The following RIMKLA variants were observed in gnomAD, a reference collection of about 807,000 sequenced individuals.
The protein encoded by RIMKLA is N-acetylaspartylglutamate synthase A.
Under a neutral mutation model 32.7 loss-of-function variants are expected in RIMKLA, and 14 were observed. That is an observed-to-expected ratio of 0.43 (90% confidence interval 0.28 to 0.67). The LOEUF (loss-of-function observed/expected upper bound fraction) is 0.67, where lower values mean the gene tolerates loss of function less well. Ranked by LOEUF, RIMKLA falls within the 30% of genes least tolerant of loss-of-function variation. The probability of loss-of-function intolerance (pLI) is 0.18; values close to 1 mark genes in which losing one functional copy is unlikely to be tolerated. For missense variants in RIMKLA, 410 were observed against 519.0 expected, an observed-to-expected ratio of 0.79 and a Z score of 2.04; for synonymous variants, 176 against 204.1, an observed-to-expected ratio of 0.86 and a Z score of 1.18.
intron 4 of RIMKLA, among the ~76,000 whole-genome samples, chr1:42,410,414 C>T (rs148099420): frequency 1.3e-5 from 2 of 152,164 alleles, no homozygotes; most frequent in East Asian, 3.9e-4. Flanking sequence ...GAGGACTGAA[C>T]GCTGTCCTCT....
intron 1 of RIMKLA, among the ~76,000 whole-genome samples, chr1:42,392,215 A>T (rs1173688187): frequency 2.0e-5 from 3 of 152,152 alleles, no homozygotes; most frequent in Non-Finnish European, 4.4e-5. Flanking sequence ...CCAGGCAGAG[A>T]TAATCATCCT....
At chr1:42,400,034 T>C (rs1383867064) in intron 2 of RIMKLA, among the ~76,000 whole-genome samples, 5 of 152,192 alleles carry the variant, frequency 3.3e-5, no homozygotes, top group African/African-American at 1.2e-4. Context: ...CAGTGCAGTT[T>C]AGACATTGAG....
intron 1 of RIMKLA, among the ~76,000 whole-genome samples, chr1:42,388,197 C>A (rs1250975322): frequency 2.0e-5 from 3 of 152,040 alleles, no homozygotes. Flanking sequence ...AGCTGGGAAT[C>A]CACTGAAGGA....
At position 42,422,201 on chromosome 1, in the gene RIMKLA, T is replaced by C. The variant is rs1433257203; in HGVS notation, c.*7227T>C. ...TTTCTCAGAAGCAAGTGTCCTAGTG[T>C]AATGTGCACAAGTGGCATGAAGTTT... On this transcript the variant is annotated 3_prime_UTR_variant, in exon 5 of 5. Coordinates refer to ENST00000431473, the MANE Select transcript of RIMKLA (RefSeq NM_173642.4). The C allele has an allele frequency of 6.6e-6, 1 of 152,234 alleles. No homozygotes were observed. Among genetic ancestry groups the C allele is most frequent in the East Asian group, 1.9e-4 (1 of 5,202 alleles). The allele number at this position is 152,234 out of a possible 1,614,324, so 9.4% of individuals were successfully genotyped here.
In RIMKLA at chr1:42,409,955, C is replaced by G. The variant is rs1227876349; in HGVS notation, c.482-29C>G. 5 of 1,577,128 alleles carry G rather than the reference C, an allele frequency of 3.2e-6. No individual in the cohort carries two copies. The African/African-American group carries it at 6.7e-5, about 21-fold the overall frequency. On this transcript the variant is annotated intron_variant, in intron 3 of 4. Coordinates refer to ENST00000431473, the MANE Select transcript of RIMKLA (RefSeq NM_173642.4). ...TACAGAGTCCAGAGGCTTCTCTAAC[C>G]CCTTCTCTTGCTCTTTTTCTTCTTA...
chr1:42,380,924 C>T lies in RIMKLA; in HGVS notation c.-11C>T. ...GGTCCGCGCCGCGCGGGGCGCACCG[C>T]CCTGGCCGCCATGTGCTCCCAGCTC... On this transcript the variant is annotated 5_prime_UTR_variant, in exon 1 of 5. Transcript: ENST00000431473. 1 of 1,396,878 alleles carries T rather than the reference C, an allele frequency of 7.2e-7. No individual in the cohort carries two copies. Among genetic ancestry groups the T allele is most frequent in the Non-Finnish European group, 9.3e-7 (1 of 1,073,438 alleles). The allele number at this position is 1,396,878 out of a possible 1,614,324, so 86.5% of individuals were successfully genotyped here. A position where few individuals can be genotyped will look rare whatever the true frequency, so the allele number is the denominator to read the frequency against.
rs1393944178 is a variant in RIMKLA, at chr1:42,416,093, G to GA, written c.*1119_*1120insA. 1 of 138,302 alleles carries GA rather than the reference G, an allele frequency of 7.2e-6. No homozygotes were observed. The highest frequency in any genetic ancestry group is 2.5e-5 in the African/African-American group (1 of 39,914). 8.6% of individuals were successfully genotyped at this position (138,302 alleles called of 1,614,324 possible). On this transcript the variant is annotated 3_prime_UTR_variant, in exon 5 of 5. Coordinates refer to ENST00000431473, the MANE Select transcript of RIMKLA (RefSeq NM_173642.4). ...TTACCCATTGCACATTTTGCGGGGGGGGGGGCTAATGTAGACATGACACCA... is the reference window on the plus strand; with the variant it reads ...TTACCCATTGCACATTTTGCGGGGGGAGGGGGCTAATGTAGACATGACACCA...
chr1:42,389,457 C>G, intron 1 of RIMKLA, among the ~76,000 whole-genome samples: 1 of 150,014 alleles, frequency 6.7e-6, no homozygotes. Flanking sequence ...AGTGGGTGTC[C>G]TGTAAGCCAA....
At chr1:42,411,647 ATTATTTATTTATTTATTTATTTATTTAT>A (rs199789074) in intron 4 of RIMKLA, among the ~76,000 whole-genome samples, 2 of 144,224 alleles carry the variant, frequency 1.4e-5, no homozygotes, top group Admixed American at 6.9e-5. Context: ...TTTTATTTTT[ATTATTTATTTATTTATTTATTTATTTAT>A]TTATTTATTT....
At chr1:42,403,334 A>G (rs1325805148) in intron 2 of RIMKLA, among the ~76,000 whole-genome samples, 1 of 152,210 alleles carries the variant, frequency 6.6e-6, no homozygotes, top group Non-Finnish European at 1.5e-5. Flanking sequence ...AAGGAATGTG[A>G]CAAACCACTA....
At chr1:42,410,246 A>G in intron 4 of RIMKLA, 59 bp downstream of exon 4, 1 of 1,403,554 alleles carries the variant, frequency 7.1e-7, no homozygotes, top group Non-Finnish European at 1.0e-6. Flanking sequence ...GCAAATGTAT[A>G]TCGATCCCTA....
At chr1:42,392,437 T>G (rs1643006966) in intron 1 of RIMKLA, among the ~76,000 whole-genome samples, 1 of 152,198 alleles carries the variant, frequency 6.6e-6, no homozygotes, top group East Asian at 1.9e-4. Flanking sequence ...ACCTGTCAAC[T>G]CCCATGCCCA....
intron 2 of RIMKLA, among the ~76,000 whole-genome samples, chr1:42,401,600 G>A (rs772868557): frequency 2.1e-4 from 32 of 152,166 alleles, no homozygotes; most frequent in Non-Finnish European, 4.1e-4. Flanking sequence ...GTAACATAAT[G>A]CGACTTGTCA....
chr1:42,414,164 C>T (rs1424819975), intron 4 of RIMKLA, among the ~76,000 whole-genome samples: 1 of 151,994 alleles, frequency 6.6e-6, no homozygotes, highest in Admixed American at 6.5e-5. Flanking sequence ...TTATTAAGTG[C>T]CCATCATGTA....
In RIMKLA at chr1:42,418,067, A is replaced by AGGC. The variant is rs1164509427; in HGVS notation, c.*3094_*3096dup. 1.3e-5 allele frequency: 2 copies of AGGC among 152,232 alleles called. No individual in the cohort carries two copies. Among genetic ancestry groups the AGGC allele is most frequent in the Admixed American group, 1.3e-4 (2 of 15,284 alleles). 9.4% of individuals were successfully genotyped at this position (152,232 alleles called of 1,614,324 possible). ...GGAAACTTAAGACCTGAAAGGAATA[A>AGGC]GGCTCTTTGTGTATTCAGACAGCCT... On this transcript the variant is annotated 3_prime_UTR_variant, in exon 5 of 5. Coordinates refer to ENST00000431473, the MANE Select transcript of RIMKLA (RefSeq NM_173642.4).
At chr1:42,396,375 G>A (rs1643047848) in intron 1 of RIMKLA, 1 of 151,954 alleles carries the variant, frequency 6.6e-6, no homozygotes, top group Non-Finnish European at 1.5e-5. Context: ...CACAAGACCT[G>A]TCTAACTGCT....
intron 2 of RIMKLA, among the ~76,000 whole-genome samples, chr1:42,403,106 A>C (rs749517454): frequency 1.3e-5 from 2 of 152,150 alleles, no homozygotes; most frequent in Non-Finnish European, 2.9e-5. Flanking sequence ...AGCAGCCCAA[A>C]TATGTGTCAC....
At position 42,380,886 on chromosome 1, in the gene RIMKLA, C is replaced by T. The variant is rs760143555; in HGVS notation, c.-49C>T. ...CGCTCGCCCTACTGAGCGAGCGGCC[C>T]GGGGCGCCGAGGGGTCCGCGCCGCG... On this transcript the variant is annotated 5_prime_UTR_variant, in exon 1 of 5. Coordinates refer to ENST00000431473, the MANE Select transcript of RIMKLA (RefSeq NM_173642.4). 2.8e-5 allele frequency: 34 copies of T among 1,226,212 alleles called. No individual in the cohort carries two copies. The highest frequency in any genetic ancestry group is 1.3e-4 in the East Asian group (4 of 30,346). 76.0% of individuals were successfully genotyped at this position (1,226,212 alleles called of 1,614,324 possible).
intron 1 of RIMKLA, among the ~76,000 whole-genome samples, chr1:42,384,842 T>A (rs1642923418): frequency 6.6e-6 from 1 of 152,074 alleles, no homozygotes; most frequent in East Asian, 1.9e-4. Flanking sequence ...TCACCATGCT[T>A]CTCTGTGACT....
Sources: gnomAD v4.1 joint callset for allele counts (sites outside exome capture counted in the v4.1 genomes callset) on GRCh38, gnomAD v4.1.1 for gene constraint, MANE v1.5 for transcripts, NCBI Gene and HGNC (gene_info 2026-07-23, HGNC 2026-07-21) for gene names.